The following CCSER1 variants were observed in gnomAD, a reference collection of about 807,000 sequenced individuals.
CCSER1 encodes the protein coiled-coil serine rich protein 1.
CCSER1 carries 41 observed loss-of-function variants against 82.0 expected under a neutral mutation model. The observed-to-expected ratio is 0.50, with a 90% CI of 0.39 to 0.65. The LOEUF is 0.65. CCSER1 is among the 30% of genes least tolerant of loss of function. The pLI is 0.00. For missense variants in CCSER1, 1,119 were observed against 1,064.2 expected (o/e 1.05, Z -0.72); for synonymous variants, 414 against 383.9 (o/e 1.08, Z -0.92).
chr4:91,276,612 AT>A (rs1227080665), intron 10 of CCSER1, among the ~76,000 whole-genome samples: 1 of 151,838 alleles, frequency 6.6e-6, no homozygotes, highest in African/African-American at 2.4e-5. Context: ...TTTTACTTCC[AT>A]TTTTTCAATT....
At position 91,288,061 on chromosome 4, in the gene CCSER1, G is replaced by GAT. The variant is rs770632744; in HGVS notation, c.2217+202081_2217+202082dup. On this transcript the variant is annotated intron_variant, in intron 10 of 10. Coordinates refer to ENST00000509176, the MANE Select transcript of CCSER1 (RefSeq NM_001145065.2). ...ATTCTAGGCTATTGAGTTTATTTAGGATATATATATATATACACTCATATA... is the reference window on the plus strand; with the variant it reads ...ATTCTAGGCTATTGAGTTTATTTAGGATATATATATATATATACACTCATATA... Among the ~76,000 whole-genome samples, 903 of 141,688 alleles carry GAT rather than the reference G, an allele frequency of 6.4e-3. 5 individuals carry two copies. Among genetic ancestry groups the GAT allele is most frequent in the African/African-American group, 0.017 (657 of 37,924 alleles). The allele number at this position is 141,688 out of a possible 152,430, so 93.0% of individuals were successfully genotyped here.
At chr4:91,565,308 T>TAG (rs1196436464) in intron 10 of CCSER1, among the ~76,000 whole-genome samples, 1 of 152,116 alleles carries the variant, frequency 6.6e-6, no homozygotes, top group Non-Finnish European at 1.5e-5. Context: ...TGTATCCTTG[T>TAG]AGTGTAGTTT....
intron 5 of CCSER1, among the ~76,000 whole-genome samples, chr4:90,571,534 A>G (rs1780118750): frequency 6.6e-6 from 1 of 152,216 alleles, no homozygotes; most frequent in Non-Finnish European, 1.5e-5. Flanking sequence ...TATAAGTGGG[A>G]CTTAAACCTT....
intron 3 of CCSER1, among the ~76,000 whole-genome samples, chr4:90,322,371 G>T (rs561512087): frequency 1.3e-5 from 2 of 152,172 alleles, no homozygotes; most frequent in East Asian, 3.9e-4. Flanking sequence ...ATGCTATTTT[G>T]GTTATTATAG....
At chr4:90,453,015 A>G (rs1761684397) in intron 4 of CCSER1, among the ~76,000 whole-genome samples, 1 of 152,200 alleles carries the variant, frequency 6.6e-6, no homozygotes, top group Non-Finnish European at 1.5e-5. Flanking sequence ...GAGTTGGGAC[A>G]TAAAGGATAA....
intron 10 of CCSER1, among the ~76,000 whole-genome samples, chr4:91,385,900 A>G (rs1751254240): frequency 6.6e-6 from 1 of 152,032 alleles, no homozygotes; most frequent in Non-Finnish European, 1.5e-5. Context: ...TTTCGGATAC[A>G]TATGTGTATG....
At chr4:90,584,418 G>A (rs564103495) in intron 5 of CCSER1, among the ~76,000 whole-genome samples, 86 of 152,252 alleles carry the variant, frequency 5.6e-4, no homozygotes, top group Non-Finnish European at 1.0e-3. Flanking sequence ...TCAAGGAAGC[G>A]TAACTCTGAC....
chr4:90,695,122 G>A (rs1415805139), intron 6 of CCSER1, among the ~76,000 whole-genome samples: 1 of 149,660 alleles, frequency 6.7e-6, no homozygotes, highest in African/African-American at 2.4e-5. Flanking sequence ...ATACACTTTG[G>A]CAACTATTGG....
At chr4:91,400,811 A>T (rs1042678573) in intron 10 of CCSER1, among the ~76,000 whole-genome samples, 1 of 151,750 alleles carries the variant, frequency 6.6e-6, no homozygotes, top group Non-Finnish European at 1.5e-5. Context: ...TTAATTTTCA[A>T]TTAAGTCTAT....
chr4:90,471,945 C>A (rs960513558), intron 5 of CCSER1, among the ~76,000 whole-genome samples: 1 of 151,848 alleles, frequency 6.6e-6, no homozygotes, highest in Admixed American at 6.6e-5. Context: ...TCACTGCACT[C>A]CAGTCTGGGT....
intron 10 of CCSER1, among the ~76,000 whole-genome samples, chr4:91,296,449 T>TTATATATATATATATGTATATATATA (rs1744168571): frequency 1.1e-5 from 1 of 94,116 alleles, no homozygotes; most frequent in Non-Finnish European, 2.0e-5. Context: ...GTGTCTAACA[T>TTATATATATATATATGTATATATATA]TATATATATA....
chr4:91,265,217 C>A (rs943523204), intron 10 of CCSER1, among the ~76,000 whole-genome samples: 1 of 151,896 alleles, frequency 6.6e-6, no homozygotes, highest in Non-Finnish European at 1.5e-5. Context: ...TTCTTTGGAA[C>A]TTTGATTAAT....
intron 7 of CCSER1, among the ~76,000 whole-genome samples, chr4:90,793,467 A>G (rs1406047221): frequency 6.6e-6 from 1 of 152,014 alleles, no homozygotes; most frequent in Non-Finnish European, 1.5e-5. Context: ...GTTGAGGATA[A>G]TGGCCTCCAT....
chr4:91,169,647 TA>T (rs1732546817), intron 10 of CCSER1, among the ~76,000 whole-genome samples: 1 of 152,002 alleles, frequency 6.6e-6, no homozygotes, highest in African/African-American at 2.4e-5. Context: ...AACTTGTATT[TA>T]AATACAAGTA....
At chr4:90,346,564 A>G (rs972439889) in intron 3 of CCSER1, among the ~76,000 whole-genome samples, 1 of 152,030 alleles carries the variant, frequency 6.6e-6, no homozygotes, top group East Asian at 1.9e-4. Context: ...GTAATGCTTG[A>G]TTTTTAATTT....
intron 6 of CCSER1, among the ~76,000 whole-genome samples, chr4:90,674,912 C>A (rs1733546455): frequency 6.6e-6 from 1 of 151,868 alleles, no homozygotes; most frequent in Non-Finnish European, 1.5e-5. Flanking sequence ...AGAGCAGTTG[C>A]ATTTTATAAT....
intron 10 of CCSER1, among the ~76,000 whole-genome samples, chr4:91,306,332 C>T (rs923656703): frequency 4.0e-5 from 6 of 151,836 alleles, no homozygotes; most frequent in Non-Finnish European, 8.8e-5. Context: ...ATTGCTTTAG[C>T]TTTTTGTTTT....
At chr4:91,596,067 AGCCCCATC>A (rs1764564654) in intron 10 of CCSER1, among the ~76,000 whole-genome samples, 1 of 151,982 alleles carries the variant, frequency 6.6e-6, no homozygotes, top group Non-Finnish European at 1.5e-5. Flanking sequence ...GAGAGTAAGA[AGCCCCATC>A]TTGCTTCTTT....
At chr4:90,168,555 C>T (rs1730972943) in intron 1 of CCSER1, among the ~76,000 whole-genome samples, 2 of 152,286 alleles carry the variant, frequency 1.3e-5, no homozygotes, top group South Asian at 4.1e-4. Flanking sequence ...TTGCCCATGC[C>T]TATGTCCTGA....
Sources: gnomAD v4.1 joint callset for allele counts (sites outside exome capture counted in the v4.1 genomes callset) on GRCh38, gnomAD v4.1.1 for gene constraint, MANE v1.5 for transcripts, NCBI Gene and HGNC (gene_info 2026-07-23, HGNC 2026-07-21) for gene names.